AK8: variants seen among roughly 807,000 people sequenced by gnomAD.
The protein encoded by AK8 is ATP-AMP transphosphorylase 8.
Under a neutral mutation model 54.6 loss-of-function variants are expected in AK8, and 44 were observed. The ratio of observed to expected loss-of-function variants is 0.81; its 90% confidence interval spans 0.63 to 1.04. The LOEUF (loss-of-function observed/expected upper bound fraction) is 1.04. Among genes scored for constraint, AK8 ranks in the 50% least tolerant of loss-of-function variants. The probability of loss-of-function intolerance (pLI) is 0.00; values close to 1 mark genes in which losing one functional copy is unlikely to be tolerated. For missense variants in AK8, 555 were observed against 613.6 expected (o/e 0.90, Z 1.01); for synonymous variants, 239 against 245.6 (o/e 0.97, Z 0.25).
In AK8 at chr9:132,878,123, G is replaced by A. The variant is rs1844226868; in HGVS notation, c.84+49C>T. 2 of 1,548,920 alleles carry A rather than the reference G, an allele frequency of 1.3e-6. No homozygotes were observed. The highest frequency in any genetic ancestry group is 2.3e-5 in the East Asian group (1 of 42,628). On this transcript the variant is annotated intron_variant, in intron 1 of 12. Transcript: ENST00000298545. This position sits in a 1 kb window ranked among gnomAD's most constrained non-coding sequence, Gnocchi z 4.7. ...GCCGCGCACCCGACGTCGCAGTGGAGGCTCCCGAGCCGCCGCCAGCGTCGC... is the reference window on the plus strand; with the variant it reads ...GCCGCGCACCCGACGTCGCAGTGGAAGCTCCCGAGCCGCCGCCAGCGTCGC...
intron 11 of AK8, among the ~76,000 whole-genome samples, chr9:132,767,679 A>C (rs928764043): frequency 3.3e-5 from 5 of 152,250 alleles, no homozygotes; most frequent in African/African-American, 1.2e-4. Flanking sequence ...AGCACTACTC[A>C]CAATAGCCAA....
At chr9:132,734,809 C>A (rs1025933783) in intron 11 of AK8, among the ~76,000 whole-genome samples, 1 of 152,106 alleles carries the variant, frequency 6.6e-6, no homozygotes, top group African/African-American at 2.4e-5. Flanking sequence ...ATGGACGGAT[C>A]ACCTGAGGTC....
chr9:132,827,341 T>A (rs1363384826), intron 7 of AK8: 1 of 481,770 alleles, frequency 2.1e-6, no homozygotes, highest in Non-Finnish European at 3.8e-6. Flanking sequence ...ACCTGCAGAC[T>A]CCCATTTCAT....
chr9:132,794,956 A>G (rs7862035), intron 10 of AK8, among the ~76,000 whole-genome samples: 1 of 152,176 alleles, frequency 6.6e-6, no homozygotes, highest in East Asian at 1.9e-4. Flanking sequence ...CACACAGCCG[A>G]CACTCAAAGG....
intron 2 of AK8, among the ~76,000 whole-genome samples, chr9:132,872,472 T>G (rs1004018504): frequency 1.3e-5 from 2 of 152,178 alleles, no homozygotes; most frequent in East Asian, 1.9e-4. Flanking sequence ...AGCACATTTT[T>G]TTTTAGATAG....
In AK8 at chr9:132,878,033, C is replaced by A; in HGVS notation, c.84+139G>T. ...GCCCCCTCGGGGTCACGGCGACACA[C>A]GAATCGTACATCCCGAGTTGGGCTG... On this transcript the variant is annotated intron_variant, in intron 1 of 12. Transcript: ENST00000298545. This position sits in a 1 kb window ranked among gnomAD's most constrained non-coding sequence, Gnocchi z 4.7. 1 of 1,536,770 alleles carries A rather than the reference C, an allele frequency of 6.5e-7. No individual in the cohort carries two copies. Among genetic ancestry groups the A allele is most frequent in the South Asian group, 1.2e-5 (1 of 83,394 alleles).
upstream of AK8, chr9:132,878,694 A>G: frequency 1.0e-6 from 1 of 990,002 alleles, no homozygotes; most frequent in East Asian, 1.1e-4. This position sits in a 1 kb window ranked among gnomAD's most constrained non-coding sequence, Gnocchi z 4.7. Flanking sequence ...AGGGTGTTTG[A>G]AGGGGGAGGG....
intron 11 of AK8, chr9:132,769,370 ACTCGAATCTGAAAC>A (rs1475785165): frequency 6.6e-6 from 1 of 152,058 alleles, no homozygotes; most frequent in Non-Finnish European, 1.5e-5. Context: ...AGCAAGGTTG[ACTCGAATCTGAAAC>A]CTCTGGGGAA....
At chr9:132,745,965 AAG>A (rs1354798975) in intron 11 of AK8, among the ~76,000 whole-genome samples, 2 of 152,172 alleles carry the variant, frequency 1.3e-5, no homozygotes, top group East Asian at 3.8e-4. Flanking sequence ...GGTGCTCAGG[AAG>A]AGAGAGGATG....
Position 132,725,630 on chromosome 9 carries a change from G to A in AK8, c.*58C>T, listed in dbSNP as rs1020103880. 2.1e-6 allele frequency: 3 copies of A among 1,452,900 alleles called. No individual in the cohort carries two copies. The highest frequency in any genetic ancestry group is 2.8e-6 in the Non-Finnish European group (3 of 1,062,734). 90.0% of individuals were successfully genotyped at this position (1,452,900 alleles called of 1,614,324 possible). On this transcript the variant is annotated 3_prime_UTR_variant, in exon 13 of 13. Transcript: ENST00000298545. Reference sequence around the variant, plus strand: ...TTAGGGGAGCTGTGCCGAGGCTGGGGGGCTGGGGGCAGGGGATTAACTCTT... The same window carrying A: ...TTAGGGGAGCTGTGCCGAGGCTGGGAGGCTGGGGGCAGGGGATTAACTCTT...
chr9:132,855,062 C>T, intron 4 of AK8, 137 bp from the exon 5 acceptor site: 1 of 773,646 alleles, frequency 1.3e-6, no homozygotes, highest in South Asian at 1.6e-5. Context: ...CCTTCCTCCA[C>T]CCGCTGCACC....
chr9:132,765,292 CAAAAAAAAAAAA>C (rs61495439), intron 11 of AK8, among the ~76,000 whole-genome samples: 1 of 62,816 alleles, frequency 1.6e-5, no homozygotes, highest in Non-Finnish European at 2.7e-5. Context: ...GACTCCATTT[CAAAAAAAAAAAA>C]AAAAAAAAAA....
At chr9:132,848,115 C>CAAAAAAAAAAAAAA (rs796764891) in intron 5 of AK8, among the ~76,000 whole-genome samples, 12 of 52,526 alleles carry the variant, frequency 2.3e-4, no homozygotes, top group Non-Finnish European at 3.5e-4. Context: ...CACCCTGTTT[C>CAAAAAAAAAAAAAA]AAAAAAAAAA....
At chr9:132,854,003 C>G (rs1342691266) in intron 5 of AK8, among the ~76,000 whole-genome samples, 1 of 151,950 alleles carries the variant, frequency 6.6e-6, no homozygotes, top group Non-Finnish European at 1.5e-5. Context: ...AGTTTGATAA[C>G]CAGCCTGGGC....
chr9:132,796,909 C>T (rs114870266), intron 10 of AK8, among the ~76,000 whole-genome samples: 1 of 151,974 alleles, frequency 6.6e-6, no homozygotes, highest in African/African-American at 2.4e-5. Context: ...GGTGAGAGGG[C>T]ACCCGGATGT....
chr9:132,857,873 G>A (rs574877310), intron 4 of AK8, among the ~76,000 whole-genome samples: 4 of 152,312 alleles, frequency 2.6e-5, no homozygotes, highest in East Asian at 3.9e-4. Flanking sequence ...CTGTCTCCAC[G>A]CCAGCTTTGA....
chr9:132,844,297 C>CAAAAAAAAAAAAAAA (rs35309762), intron 5 of AK8, among the ~76,000 whole-genome samples: 13 of 92,624 alleles, frequency 1.4e-4, no homozygotes, highest in South Asian at 3.7e-4. Context: ...TGCATTAGAC[C>CAAAAAAAAAAAAAAA]AAAAAAAAAA....
chr9:132,813,400 G>C (rs1316640995), intron 10 of AK8, among the ~76,000 whole-genome samples: 5 of 152,184 alleles, frequency 3.3e-5, no homozygotes, highest in Non-Finnish European at 7.4e-5. Flanking sequence ...TCATCAACCT[G>C]CTCCATCTAG....
chr9:132,827,978 C>A, intron 7 of AK8, 35 bp downstream of exon 7: 1 of 1,547,090 alleles, frequency 6.5e-7, no homozygotes. Flanking sequence ...ACTCTGAAAC[C>A]CCATGGGGCT....
Sources: allele counts gnomAD v4.1 joint callset (sites outside exome capture counted in the v4.1 genomes callset), GRCh38; gene constraint gnomAD v4.1.1; non-coding constraint Gnocchi (gnomAD v3.1); transcripts MANE v1.5; gene names NCBI Gene and HGNC (gene_info 2026-07-23, HGNC 2026-07-21).